BTBD9: variants seen among roughly 807,000 people sequenced by gnomAD.
BTBD9 encodes BTB/POZ domain-containing protein 9.
A neutral mutation model predicts 64.3 loss-of-function variants in BTBD9; 49 were observed. The observed-to-expected ratio is 0.76, with a 90% CI of 0.61 to 0.97. BTBD9 has a LOEUF of 0.97. Ranked by LOEUF, BTBD9 falls within the 50% of genes least tolerant of loss-of-function variation. BTBD9 has a pLI of 0.00. For synonymous variants in BTBD9, 260 were observed against 274.7 expected (o/e 0.95, Z 0.53); for missense variants, 598 against 762.1 (o/e 0.78, Z 2.53).
At chr6:38,487,214 G>A (rs1562251753) in intron 6 of BTBD9, among the ~76,000 whole-genome samples, 1 of 152,160 alleles carries the variant, frequency 6.6e-6, no homozygotes. Flanking sequence ...TTATGTGCTT[G>A]TGGTTATCCA....
intron 9 of BTBD9, among the ~76,000 whole-genome samples, chr6:38,221,546 C>G (rs542319876): frequency 8.2e-4 from 125 of 152,280 alleles, no homozygotes; most frequent in African/African-American, 2.9e-3. Context: ...GTCAATGAAC[C>G]ATTGCATTGA....
intron 6 of BTBD9, among the ~76,000 whole-genome samples, chr6:38,553,942 T>C (rs2127450094): frequency 6.6e-6 from 1 of 152,288 alleles, no homozygotes. Context: ...TTTTTCATAC[T>C]GGACACATGA....
chr6:38,530,239 G>C (rs1254824342), intron 6 of BTBD9, among the ~76,000 whole-genome samples: 1 of 152,168 alleles, frequency 6.6e-6, no homozygotes, highest in Non-Finnish European at 1.5e-5. Flanking sequence ...TGTTTAAGAT[G>C]TTTATCAAGA....
intron 9 of BTBD9, among the ~76,000 whole-genome samples, chr6:38,217,338 A>T (rs983023357): frequency 2.0e-5 from 3 of 148,980 alleles, no homozygotes; most frequent in South Asian, 2.1e-4. Context: ...AAAAAAAAAA[A>T]AAAAGAATCC....
intron 6 of BTBD9, among the ~76,000 whole-genome samples, chr6:38,452,732 A>C (rs1769614669): frequency 6.6e-6 from 1 of 152,078 alleles, no homozygotes; most frequent in Non-Finnish European, 1.5e-5. Context: ...AAATAGGTAA[A>C]ACAAGGGGAG....
At chr6:38,312,344 T>A (rs1020266970) in intron 7 of BTBD9, among the ~76,000 whole-genome samples, 2 of 152,240 alleles carry the variant, frequency 1.3e-5, no homozygotes, top group African/African-American at 4.8e-5. Flanking sequence ...AAATATTTTC[T>A]CCCATTCCTG....
intron 2 of BTBD9, among the ~76,000 whole-genome samples, chr6:38,595,570 A>T (rs1021056919): frequency 6.6e-6 from 1 of 152,208 alleles, no homozygotes; most frequent in African/African-American, 2.4e-5. Context: ...AATGAGAAAG[A>T]AAAGATGCAA....
intron 6 of BTBD9, among the ~76,000 whole-genome samples, chr6:38,445,379 A>C (rs1769228566): frequency 1.3e-5 from 2 of 152,224 alleles, no homozygotes; most frequent in Admixed American, 1.3e-4. Context: ...GACCAGAGTT[A>C]ATCTGAAGAG....
intron 6 of BTBD9, among the ~76,000 whole-genome samples, chr6:38,396,897 C>CTTTTTTTTTTTTTTTTTTTT (rs146597621): frequency 3.7e-5 from 4 of 107,378 alleles, no homozygotes; most frequent in Non-Finnish European, 5.4e-5. Context: ...TTTTCTTTTT[C>CTTTTTTTTTTTTTTTTTTTT]TTTTTTTTTT....
At chr6:38,580,680 G>A (rs1363500510) in intron 4 of BTBD9, among the ~76,000 whole-genome samples, 1 of 151,816 alleles carries the variant, frequency 6.6e-6, no homozygotes. Context: ...TGGATCACTT[G>A]AGCCCAGGAG....
At chr6:38,403,848 A>C (rs1767053603) in intron 6 of BTBD9, among the ~76,000 whole-genome samples, 1 of 152,230 alleles carries the variant, frequency 6.6e-6, no homozygotes, top group African/African-American at 2.4e-5. Context: ...CAACTGATGA[A>C]TGGATAAGTA....
intron 6 of BTBD9, among the ~76,000 whole-genome samples, chr6:38,484,302 T>C (rs1771300342): frequency 6.6e-6 from 1 of 152,208 alleles, no homozygotes; most frequent in African/African-American, 2.4e-5. Flanking sequence ...AAATGTCTAA[T>C]GAGGATTAAA....
At chr6:38,345,264 A>G (rs1399519586) in intron 6 of BTBD9, among the ~76,000 whole-genome samples, 171 bp from the exon 7 acceptor site, 2 of 152,238 alleles carry the variant, frequency 1.3e-5, no homozygotes, top group African/African-American at 4.8e-5. Flanking sequence ...GGTAGCTCCA[A>G]TTGAACCTAG....
At chr6:38,484,833 G>A (rs558966386) in intron 6 of BTBD9, among the ~76,000 whole-genome samples, 7 of 152,274 alleles carry the variant, frequency 4.6e-5, no homozygotes, top group South Asian at 2.1e-4. Context: ...GGAGGATCAC[G>A]CCTCAATGTT....
chr6:38,261,185 CAA>C (rs933453993), intron 8 of BTBD9, among the ~76,000 whole-genome samples: 1 of 152,012 alleles, frequency 6.6e-6, no homozygotes, highest in Non-Finnish European at 1.5e-5. Flanking sequence ...CTCAGCTTCT[CAA>C]AGTGTTGGGA....
intron 6 of BTBD9, among the ~76,000 whole-genome samples, chr6:38,558,109 A>T (rs149803272): frequency 1.4e-3 from 206 of 152,276 alleles, no homozygotes; most frequent in African/African-American, 4.7e-3. Context: ...AAAATAAAAA[A>T]TAAAACCAGC....
At chr6:38,413,235 A>G (rs1767517527) in intron 6 of BTBD9, among the ~76,000 whole-genome samples, 1 of 152,188 alleles carries the variant, frequency 6.6e-6, no homozygotes, top group Admixed American at 6.5e-5. Flanking sequence ...TTAAACTAGG[A>G]AAGACAAACT....
At chr6:38,349,898 G>A (rs370823594) in intron 6 of BTBD9, among the ~76,000 whole-genome samples, 3 of 152,124 alleles carry the variant, frequency 2.0e-5, no homozygotes, top group African/African-American at 4.8e-5. Flanking sequence ...GGCACTTCTC[G>A]CTTTAATCCT....
chr6:38,200,189 G>T (rs538066456), intron 9 of BTBD9, among the ~76,000 whole-genome samples: 1 of 152,366 alleles, frequency 6.6e-6, no homozygotes, highest in South Asian at 2.1e-4. Context: ...TACTGTCACT[G>T]AAGGTGGCAC....
Sources: gnomAD v4.1 joint callset for allele counts (sites outside exome capture counted in the v4.1 genomes callset) on GRCh38, gnomAD v4.1.1 for gene constraint, MANE v1.5 for transcripts, NCBI Gene and HGNC (gene_info 2026-07-23, HGNC 2026-07-21) for gene names.